KDM6A: variants seen among roughly 807,000 people sequenced by gnomAD.
KDM6A encodes lysine-specific demethylase 6A.
In KDM6A, 11 loss-of-function variants were observed where a neutral mutation model predicts 117.6. The observed-to-expected ratio is 0.09, with a 90% CI of 0.06 to 0.15. The LOEUF (loss-of-function observed/expected upper bound fraction) is 0.15. Among genes scored for constraint, KDM6A ranks in the 10% least tolerant of loss-of-function variants. KDM6A has a pLI of 1.00. For missense variants in KDM6A, 799 were observed against 1,077.3 expected, an observed-to-expected ratio of 0.74 and a Z score of 3.62; for synonymous variants, 384 against 396.1, an observed-to-expected ratio of 0.97 and a Z score of 0.36.
chrX:45,004,774 G>A (rs767735005), intron 4 of KDM6A, among the ~76,000 whole-genome samples: 6 of 111,160 alleles, frequency 5.4e-5, no homozygotes, highest in South Asian at 3.8e-4. Context: ...TTTCTGGTCC[G>A]CGGTAGGAAC....
chrX:45,088,425 G>T (rs1189332158), intron 25 of KDM6A, among the ~76,000 whole-genome samples: 1 of 113,349 alleles, frequency 8.8e-6, no homozygotes, highest in Non-Finnish European at 1.9e-5. Context: ...TGTCACAACT[G>T]TGTCATTATA....
intron 2 of KDM6A, among the ~76,000 whole-genome samples, chrX:44,932,432 T>C (rs989493549): frequency 1.5e-4 from 17 of 110,964 alleles, no homozygotes; most frequent in Non-Finnish European, 2.6e-4. Flanking sequence ...CTTTTGCTAT[T>C]ATTATTTGTG....
At chrX:44,995,178 G>A (rs1266654344) in intron 4 of KDM6A, among the ~76,000 whole-genome samples, 1 of 110,758 alleles carries the variant, frequency 9.0e-6, no homozygotes, top group Non-Finnish European at 1.9e-5. Flanking sequence ...GGAAATCTTG[G>A]GTACAACTCT....
rs149402128 is a variant in KDM6A at position 44,914,560 on chromosome X, A to G, written c.225+40573A>G. On this transcript the variant is annotated intron_variant, in intron 2 of 29. Coordinates refer to ENST00000611820, the MANE Select transcript of KDM6A (RefSeq NM_001291415.2). Reference sequence around the variant, plus strand: ...AGTGAATCATAAGAAAGATGTTACTATTAGGTTGTGGATTCTAGGTATTCT... The same window carrying G: ...AGTGAATCATAAGAAAGATGTTACTGTTAGGTTGTGGATTCTAGGTATTCT... Among the ~76,000 whole-genome samples, 541 of 111,226 alleles carry G rather than the reference A, an allele frequency of 4.9e-3. 5 individuals are homozygous for G. The South Asian group carries it at 0.063, about 13-fold the overall frequency.
At chrX:44,967,339 T>A (rs5952280) in intron 3 of KDM6A, among the ~76,000 whole-genome samples, 24,255 of 110,788 alleles carry the variant, frequency 0.22, 4,367 homozygotes, top group African/African-American at 0.61. Context: ...TCTCTTTGGA[T>A]CTAGTACAGG....
chrX:44,944,484 A>G (rs1312935088), intron 2 of KDM6A, among the ~76,000 whole-genome samples: 1 of 112,103 alleles, frequency 8.9e-6, no homozygotes, highest in South Asian at 3.6e-4. Context: ...TTGAAATTTC[A>G]TTAAATCTGT....
intron 6 of KDM6A, among the ~76,000 whole-genome samples, chrX:45,033,227 T>C (rs2042673229): frequency 8.9e-6 from 1 of 112,208 alleles, no homozygotes; most frequent in Admixed American, 9.4e-5. Flanking sequence ...AAGCATGCTT[T>C]GCTTTCATAG....
In KDM6A at chrX:45,027,856, C is replaced by T. The variant is rs189649036; in HGVS notation, c.565-7075C>T. 4.1e-3 allele frequency among the ~76,000 whole-genome samples: 449 copies of T among 108,492 alleles called. 4 individuals carry two copies. The highest frequency in any genetic ancestry group is 0.014 in the African/African-American group (414 of 29,640). 94.2% of individuals were successfully genotyped at this position (108,492 alleles called of 115,157 possible). On this transcript the variant is annotated intron_variant, in intron 6 of 29. Coordinates refer to ENST00000611820, the MANE Select transcript of KDM6A (RefSeq NM_001291415.2). Reference sequence around the variant, plus strand: ...TTGCCCAGGCTAGAGTGCAATGGCGCGATCTCGGCTCACTGCAACCTCTGC... The same window carrying T: ...TTGCCCAGGCTAGAGTGCAATGGCGTGATCTCGGCTCACTGCAACCTCTGC...
intron 8 of KDM6A, among the ~76,000 whole-genome samples, chrX:45,040,529 G>T (rs1217673712): frequency 1.4e-5 from 1 of 70,269 alleles, no homozygotes; most frequent in African/African-American, 5.5e-5. Flanking sequence ...GGACGGGGCG[G>T]CTGGCCGGGC....
chrX:44,906,693 A>C (rs1220629842), intron 2 of KDM6A, among the ~76,000 whole-genome samples: 2 of 110,263 alleles, frequency 1.8e-5, no homozygotes, highest in South Asian at 3.8e-4. Flanking sequence ...ATAGAGAGAG[A>C]GAGCGAGAGA....
At chrX:44,963,475 G>GTCTGTC (rs772898385) in intron 3 of KDM6A, among the ~76,000 whole-genome samples, 16 of 24,808 alleles carry the variant, frequency 6.4e-4, no homozygotes, top group African/African-American at 1.5e-3. Flanking sequence ...GTGTGTGTGT[G>GTCTGTC]TGTGTGTGTG....
At chrX:45,100,013 G>A (rs1337847607) in intron 27 of KDM6A, among the ~76,000 whole-genome samples, 1 of 107,797 alleles carries the variant, frequency 9.3e-6, no homozygotes, top group Non-Finnish European at 1.9e-5. Context: ...TAGTCTGGGC[G>A]ACGGAGCAAG....
At position 45,070,346 on chromosome X, in the gene KDM6A, G is replaced by T. The variant is rs777235596; in HGVS notation, c.2847G>T (p.Leu949=). 1 of 1,209,163 alleles carries T rather than the reference G, an allele frequency of 8.3e-7. No individual in the cohort carries two copies. Among genetic ancestry groups the T allele is most frequent in the Non-Finnish European group, 1.1e-6 (1 of 893,337 alleles). Residue 949 remains leucine (L), a synonymous_variant, in exon 18 of 30, where the codon CTG becomes CTT. Transcript: ENST00000611820. Reference sequence around the variant, plus strand: ...TATACCCCAGCTCAGCAGAAGTTCTGAAGGCATGCAGGTTAGTGTGGGAAA... The same window carrying T: ...TATACCCCAGCTCAGCAGAAGTTCTTAAGGCATGCAGGTTAGTGTGGGAAA... ...VSIYPSSAEV[L]KACRNLGKNG...
intron 2 of KDM6A, among the ~76,000 whole-genome samples, chrX:44,906,772 C>T (rs1214695164): frequency 3.6e-5 from 4 of 111,605 alleles, no homozygotes; most frequent in Admixed American, 2.8e-4. Context: ...GAGCCCACCT[C>T]GGCCTCCCAG....
chrX:44,953,075 T>C (rs959445374), intron 2 of KDM6A, among the ~76,000 whole-genome samples: 3 of 111,261 alleles, frequency 2.7e-5, no homozygotes, highest in African/African-American at 9.8e-5. Context: ...ACTTTGTTTT[T>C]TTTTTTGTTT....
chrX:44,999,627 TGAAAA>T (rs2041040939), intron 4 of KDM6A, among the ~76,000 whole-genome samples: 1 of 112,211 alleles, frequency 8.9e-6, no homozygotes, highest in African/African-American at 3.2e-5. Flanking sequence ...ATTGATTCTT[TGAAAA>T]GAAATTTAGA....
At chrX:44,949,926 T>C (rs972218286) in intron 2 of KDM6A, among the ~76,000 whole-genome samples, 3 of 111,649 alleles carry the variant, frequency 2.7e-5, no homozygotes, top group Non-Finnish European at 5.6e-5. Context: ...TAATGATTGC[T>C]GTAAGACTGT....
intron 4 of KDM6A, among the ~76,000 whole-genome samples, chrX:45,009,305 T>TA (rs1479000631): frequency 2.7e-5 from 3 of 112,290 alleles, no homozygotes; most frequent in Non-Finnish European, 5.6e-5. Context: ...TTTTAGACCT[T>TA]ACAGAGTTCT....
At chrX:45,008,455 T>A (rs1313882748) in intron 4 of KDM6A, among the ~76,000 whole-genome samples, 1 of 111,860 alleles carries the variant, frequency 8.9e-6, no homozygotes, top group Non-Finnish European at 1.9e-5. Flanking sequence ...GGCAGTTGCC[T>A]AAATAGATGT....
Sources: gnomAD v4.1 joint callset for allele counts (sites outside exome capture counted in the v4.1 genomes callset) on GRCh38, gnomAD v4.1.1 for gene constraint, MANE v1.5 for transcripts, NCBI Gene and HGNC (gene_info 2026-07-23, HGNC 2026-07-21) for gene names.